The following CFAP58 variants were observed in gnomAD, a reference collection of about 807,000 sequenced individuals.
CFAP58 encodes the protein cilia and flagella associated protein 58.
In CFAP58, 88 loss-of-function variants were observed where a neutral mutation model predicts 119.5. The observed-to-expected ratio is 0.74, with a 90% confidence interval of 0.62 to 0.88. CFAP58 has a LOEUF of 0.88. Among genes scored for constraint, CFAP58 ranks in the 40% least tolerant of loss-of-function variants. The probability of loss-of-function intolerance (pLI) is 0.00; values close to 1 mark genes in which losing one functional copy is unlikely to be tolerated. For missense variants in CFAP58, 990 were observed against 1,021.2 expected (o/e 0.97, Z 0.42); for synonymous variants, 365 against 366.3 (o/e 1.00, Z 0.04).
At chr10:104,409,286 T>G (rs2012420090) in intron 15 of CFAP58, among the ~76,000 whole-genome samples, 1 of 152,192 alleles carries the variant, frequency 6.6e-6, no homozygotes, top group South Asian at 2.1e-4. Flanking sequence ...AAAAGTGTAT[T>G]TTAAATTTTC....
rs966719265 is a variant in CFAP58 at position 104,392,367 on chromosome 10, G to A, written c.1500G>A (p.Leu500=). The change falls in exon 10 of 18, where the codon CTG becomes CTA. Residue 500 remains leucine (L), a synonymous_variant. Coordinates refer to ENST00000369704, the MANE Select transcript of CFAP58 (RefSeq NM_001008723.2). ...AAGCTGTGAGATCAGACAGAAATCT[G>A]TATAGCAAAAATCTGGTTGAGGCTC... is the stretch of plus-strand genomic sequence containing the variant. ...LYEAVRSDRN[L]YSKNLVEAQD... 1 of 1,596,442 alleles carries A rather than the reference G, an allele frequency of 6.3e-7. No individual in the cohort carries two copies. Among genetic ancestry groups the A allele is most frequent in the African/African-American group, 1.4e-5 (1 of 73,718 alleles).
chr10:104,353,245 T>C (rs2014486690), upstream of CFAP58: 1 of 152,232 alleles, frequency 6.6e-6, no homozygotes, highest in Admixed American at 6.5e-5. Context: ...TGCCTTAAGC[T>C]CTGCACCCTA....
At chr10:104,408,631 C>G (rs902015538) in intron 15 of CFAP58, among the ~76,000 whole-genome samples, 3 of 152,162 alleles carry the variant, frequency 2.0e-5, no homozygotes, top group African/African-American at 7.2e-5. Flanking sequence ...TGCCAAGCAT[C>G]TGTATTATAA....
intron 15 of CFAP58, among the ~76,000 whole-genome samples, chr10:104,442,187 C>CA (rs1564906117): frequency 2.0e-5 from 3 of 150,150 alleles, no homozygotes; most frequent in South Asian, 2.1e-4. Flanking sequence ...AATGTATTGC[C>CA]TTTTTTTTTC....
chr10:104,406,286 A>G (rs1348034713), intron 14 of CFAP58, among the ~76,000 whole-genome samples: 1 of 152,196 alleles, frequency 6.6e-6, no homozygotes, highest in African/African-American at 2.4e-5. Context: ...CTATCAGTAT[A>G]AAAGGAGAAG....
At chr10:104,387,501 C>T (rs555125300) in intron 9 of CFAP58, among the ~76,000 whole-genome samples, 5 of 152,356 alleles carry the variant, frequency 3.3e-5, no homozygotes, top group African/African-American at 1.2e-4. Flanking sequence ...ATGCACTTCT[C>T]TCTTTAGGTT....
chr10:104,403,617 C>T (rs2012305983), intron 13 of CFAP58, 112 bp from the exon 14 acceptor site: 4 of 557,452 alleles, frequency 7.2e-6, no homozygotes, highest in Non-Finnish European at 1.3e-5. Flanking sequence ...ACAATATTCT[C>T]CCTAACTCCA....
chr10:104,408,056 G>A (rs1173231199), intron 15 of CFAP58, among the ~76,000 whole-genome samples: 6 of 152,180 alleles, frequency 3.9e-5, no homozygotes, highest in Non-Finnish European at 8.8e-5. Flanking sequence ...TTCTATATAT[G>A]AGTAAGGGAC....
intron 4 of CFAP58, 116 bp downstream of exon 4, chr10:104,365,005 A>C: frequency 9.9e-7 from 1 of 1,011,830 alleles, no homozygotes; most frequent in Non-Finnish European, 1.4e-6. Flanking sequence ...GCCCAAATGA[A>C]ACATCCTCAG....
At chr10:104,446,940 C>G (rs1198970315) in intron 15 of CFAP58, among the ~76,000 whole-genome samples, 4 of 152,058 alleles carry the variant, frequency 2.6e-5, no homozygotes, top group African/African-American at 9.6e-5. Flanking sequence ...ATATGCATAC[C>G]CAAGTTTCCT....
In CFAP58 at chr10:104,393,386, C is replaced by G. The variant is rs1012691763; in HGVS notation, c.1585C>G (p.Leu529Val). ...LKIMIHQVDE[L>V]KEDISAKESA... is the part of the protein sequence containing the mutation. ...GATTATGATCCATCAGGTAGATGAGCTGAAAGAAGACATCTCTGCCAAAGA... is the reference window on the plus strand; with the variant it reads ...GATTATGATCCATCAGGTAGATGAGGTGAAAGAAGACATCTCTGCCAAAGA... Residue 529 changes from leucine to valine, a missense_variant, in exon 11 of 18, where the codon CTG (leucine) becomes GTG (valine). Transcript: ENST00000369704. The G allele has an allele frequency of 6.2e-7, 1 of 1,613,650 alleles. No individual in the cohort carries two copies. Among genetic ancestry groups the G allele is most frequent in the African/African-American group, 1.3e-5 (1 of 74,922 alleles).
chr10:104,386,971 A>G (rs1430233095), intron 9 of CFAP58, among the ~76,000 whole-genome samples: 1 of 152,160 alleles, frequency 6.6e-6, no homozygotes, highest in East Asian at 1.9e-4. Flanking sequence ...CAGCATCAAC[A>G]TTTGCCTTCG....
chr10:104,428,064 T>C (rs1422776602), intron 15 of CFAP58, among the ~76,000 whole-genome samples: 1 of 152,164 alleles, frequency 6.6e-6, no homozygotes, highest in East Asian at 1.9e-4. Context: ...TTTCTGGATT[T>C]TAGGAGAAGG....
chr10:104,368,506 T>C lies in CFAP58; in HGVS notation c.876T>C (p.Ser292=), dbSNP rs751930613. Residue 292 remains serine, a synonymous_variant, in exon 6 of 18, where the codon AGT becomes AGC. Coordinates refer to ENST00000369704, the MANE Select transcript of CFAP58 (RefSeq NM_001008723.2). ...TTCAGCAAGAGAATGAACAGCACAG[T>C]TTGGTCTGTGAGCAGCTATCCCAGG... ...AKLQQENEQH[S]LVCEQLSQEN... 6.2e-7 allele frequency: 1 copy of C among 1,613,936 alleles called. No homozygotes were observed. Among genetic ancestry groups the C allele is most frequent in the Non-Finnish European group, 8.5e-7 (1 of 1,179,888 alleles).
At chr10:104,381,690 G>T (rs937007530) in intron 9 of CFAP58, among the ~76,000 whole-genome samples, 1 of 151,716 alleles carries the variant, frequency 6.6e-6, no homozygotes, top group African/African-American at 2.4e-5. Flanking sequence ...CAGAAATAAA[G>T]AAAGTGGGAA....
intron 15 of CFAP58, among the ~76,000 whole-genome samples, chr10:104,436,216 T>A (rs913569082): frequency 8.5e-5 from 13 of 152,226 alleles, no homozygotes; most frequent in Non-Finnish European, 4.4e-5. Flanking sequence ...ATCTTTGAAA[T>A]GTTCTGTTTT....
intron 15 of CFAP58, among the ~76,000 whole-genome samples, chr10:104,422,338 T>G (rs1469017177): frequency 1.3e-5 from 2 of 152,214 alleles, no homozygotes; most frequent in African/African-American, 4.8e-5. Flanking sequence ...TCTCTCACTT[T>G]CCTTCCATGG....
chr10:104,355,155 G>T (rs1589904817), intron 1 of CFAP58, among the ~76,000 whole-genome samples: 1 of 152,112 alleles, frequency 6.6e-6, no homozygotes, highest in African/African-American at 2.4e-5. Context: ...ATAGTCATTT[G>T]TATCTCTTTC....
At chr10:104,375,331 T>A (rs550857273) in intron 7 of CFAP58, among the ~76,000 whole-genome samples, 45 of 152,074 alleles carry the variant, frequency 3.0e-4, no homozygotes, top group African/African-American at 1.1e-3. Context: ...CTAAGTAGAT[T>A]CTGGTTGATT....
Sources: allele counts gnomAD v4.1 joint callset (sites outside exome capture counted in the v4.1 genomes callset), GRCh38; gene constraint gnomAD v4.1.1; transcripts MANE v1.5; gene names NCBI Gene and HGNC (gene_info 2026-07-23, HGNC 2026-07-21).